Variants in SYT16 observed in about 807,000 individuals in gnomAD.
The protein encoded by SYT16 is synaptotagmin 16.
In SYT16, 42 loss-of-function variants were observed where a neutral mutation model predicts 61.4. The ratio of observed to expected loss-of-function variants is 0.68; its 90% CI spans 0.53 to 0.89. SYT16 has a LOEUF of 0.89. Ranked by LOEUF, SYT16 falls within the 40% of genes least tolerant of loss-of-function variation. The probability of loss-of-function intolerance (pLI) is 0.00; values close to 1 mark genes in which losing one functional copy is unlikely to be tolerated. For missense variants in SYT16, 804 were observed against 807.3 expected (o/e 1.00, Z 0.05); for synonymous variants, 314 against 302.3 (o/e 1.04, Z -0.40).
chr14:62,050,876 G>T (rs112366983), intron 3 of SYT16, among the ~76,000 whole-genome samples: 1 of 152,060 alleles, frequency 6.6e-6, no homozygotes, highest in African/African-American at 2.4e-5. Flanking sequence ...GTGTCAGTCC[G>T]CCCCTACTGG....
At chr14:62,093,338 A>T (rs1225327378) in intron 7 of SYT16, among the ~76,000 whole-genome samples, 6 of 152,104 alleles carry the variant, frequency 3.9e-5, no homozygotes, top group Admixed American at 2.6e-4. Context: ...ATGTGTGATA[A>T]ATAGAAAGCA....
chr14:62,014,888 T>C (rs1426764230), intron 3 of SYT16, among the ~76,000 whole-genome samples: 1 of 152,242 alleles, frequency 6.6e-6, no homozygotes, highest in Non-Finnish European at 1.5e-5. Context: ...CTTCAATGAT[T>C]TATGTCTACT....
At chr14:61,989,334 G>A (rs1244883283) in intron 2 of SYT16, among the ~76,000 whole-genome samples, 1 of 152,068 alleles carries the variant, frequency 6.6e-6, no homozygotes, top group African/African-American at 2.4e-5. Context: ...AGGTTGAGGC[G>A]GGTGGATAAA....
intron 1 of SYT16, among the ~76,000 whole-genome samples, chr14:61,884,537 T>A (rs906525222): frequency 3.3e-5 from 5 of 152,232 alleles, no homozygotes; most frequent in African/African-American, 1.2e-4. Context: ...TCTCCACTGA[T>A]TGGAAGTTGC....
chr14:61,976,371 T>C (rs575220451), intron 2 of SYT16, among the ~76,000 whole-genome samples: 1 of 152,326 alleles, frequency 6.6e-6, no homozygotes, highest in Admixed American at 6.5e-5. Flanking sequence ...AGTGCCCCAG[T>C]GGGGACCCTG....
At chr14:62,009,479 G>A (rs2053357217) in intron 3 of SYT16, among the ~76,000 whole-genome samples, 1 of 152,136 alleles carries the variant, frequency 6.6e-6, no homozygotes. Flanking sequence ...TAAAATTGGA[G>A]AAATGTGTTG....
chr14:61,876,724 C>G (rs1356839250), intron 1 of SYT16, among the ~76,000 whole-genome samples: 2 of 152,180 alleles, frequency 1.3e-5, no homozygotes, highest in Non-Finnish European at 2.9e-5. Flanking sequence ...CTGAAAATTA[C>G]TGTCTGTGTG....
At chr14:62,088,941 T>C (rs766514564) in intron 7 of SYT16, among the ~76,000 whole-genome samples, 3 of 149,082 alleles carry the variant, frequency 2.0e-5, no homozygotes, top group Non-Finnish European at 4.4e-5. Flanking sequence ...TAGGGACTTC[T>C]GTGGTTGGCA....
intron 2 of SYT16, among the ~76,000 whole-genome samples, chr14:61,987,356 A>G (rs2052358336): frequency 6.6e-6 from 1 of 152,224 alleles, no homozygotes; most frequent in Admixed American, 6.5e-5. Context: ...CATAAGTGCA[A>G]TGGGAAGCCA....
At chr14:61,838,032 A>G (rs765649319) in intron 1 of SYT16, among the ~76,000 whole-genome samples, 1 of 152,224 alleles carries the variant, frequency 6.6e-6, no homozygotes, top group African/African-American at 2.4e-5. Context: ...CATATTAGAT[A>G]ATGTGTGTTC....
chr14:61,871,750 A>T (rs1385571564), intron 1 of SYT16, among the ~76,000 whole-genome samples: 1 of 152,228 alleles, frequency 6.6e-6, no homozygotes, highest in East Asian at 1.9e-4. Context: ...CAATAATTAT[A>T]AAAACAATAC....
At chr14:61,962,222 C>A (rs555249511) in intron 1 of SYT16, among the ~76,000 whole-genome samples, 99 of 151,928 alleles carry the variant, frequency 6.5e-4, no homozygotes, top group Non-Finnish European at 9.6e-4. Flanking sequence ...TGTGACATGC[C>A]AATTTAGCTA....
intron 4 of SYT16, among the ~76,000 whole-genome samples, chr14:62,073,733 A>G (rs1264433075): frequency 6.6e-6 from 1 of 152,118 alleles, no homozygotes; most frequent in East Asian, 1.9e-4. Flanking sequence ...TTGAATGCTT[A>G]CTATACATGG....
At chr14:61,858,120 CAAAAAAAAAAA>C (rs34781118) in intron 1 of SYT16, among the ~76,000 whole-genome samples, 1 of 43,230 alleles carries the variant, frequency 2.3e-5, no homozygotes, top group Non-Finnish European at 5.5e-5. Flanking sequence ...CACAGCTTGG[CAAAAAAAAAAA>C]AAAAAAAAAA....
chr14:61,828,021 A>T (rs2045825231), intron 1 of SYT16, among the ~76,000 whole-genome samples: 1 of 152,222 alleles, frequency 6.6e-6, no homozygotes, highest in African/African-American at 2.4e-5. Context: ...AGGTCATTAG[A>T]GCGAGCCCCA....
chr14:62,005,604 C>A (rs1048894549), intron 3 of SYT16, among the ~76,000 whole-genome samples: 3 of 152,124 alleles, frequency 2.0e-5, no homozygotes, highest in African/African-American at 4.8e-5. Context: ...CCACCCACTT[C>A]TTTCCATTTC....
intron 7 of SYT16, 33 bp from the exon 8 acceptor site, chr14:62,100,358 TATC>T (rs2057389127): frequency 6.6e-7 from 1 of 1,511,992 alleles, no homozygotes; most frequent in Non-Finnish European, 8.9e-7. Flanking sequence ...TAATGTTTCT[TATC>T]ATCCCCACCC....
intron 3 of SYT16, among the ~76,000 whole-genome samples, chr14:62,038,014 C>T (rs956034445): frequency 1.3e-5 from 2 of 152,124 alleles, no homozygotes; most frequent in African/African-American, 4.8e-5. Context: ...GTTGATTAAG[C>T]AGATGGATTT....
At chr14:62,001,781 T>C (rs1171452526) in intron 3 of SYT16, among the ~76,000 whole-genome samples, 2 of 152,228 alleles carry the variant, frequency 1.3e-5, no homozygotes, top group Non-Finnish European at 2.9e-5. Context: ...TTCATCACTT[T>C]TTTTTCTTCT....
Sources: allele counts gnomAD v4.1 joint callset (sites outside exome capture counted in the v4.1 genomes callset), GRCh38; gene constraint gnomAD v4.1.1; transcripts MANE v1.5; gene names NCBI Gene and HGNC (gene_info 2026-07-23, HGNC 2026-07-21).